DHRS7B: variants seen among roughly 807,000 people sequenced by gnomAD.
DHRS7B encodes dehydrogenase/reductase 7B.
DHRS7B carries 24 observed loss-of-function variants against 26.4 expected under a neutral mutation model. That is an observed-to-expected ratio of 0.91 (90% CI 0.66 to 1.28). DHRS7B has a LOEUF of 1.28. Ranked by LOEUF, DHRS7B falls within the 50% of genes most tolerant of loss-of-function variation. DHRS7B has a pLI of 0.00. For synonymous variants in DHRS7B, 142 were observed against 166.4 expected (o/e 0.85, Z 1.13); for missense variants, 368 against 419.4 (o/e 0.88, Z 1.07).
chr17:21,166,444 G>A (rs912483109), intron 1 of DHRS7B: 4 of 985,020 alleles, frequency 4.1e-6, no homozygotes, highest in South Asian at 4.7e-5. Context: ...GCCAGGAACC[G>A]CCACTGGCAA....
At chr17:21,134,470 A>G (rs777292840) in intron 1 of DHRS7B, among the ~76,000 whole-genome samples, 3 of 152,196 alleles carry the variant, frequency 2.0e-5, no homozygotes, top group Non-Finnish European at 4.4e-5. Flanking sequence ...AGAAAGTGAC[A>G]TTCTTTACTT....
At chr17:21,173,180 A>G (rs1235521265) in intron 2 of DHRS7B, among the ~76,000 whole-genome samples, 2 of 152,264 alleles carry the variant, frequency 1.3e-5, no homozygotes, top group Admixed American at 6.5e-5. Context: ...TGTTGTAAGG[A>G]GAAAGGCAAG....
chr17:21,132,016 A>C (rs956490190), intron 1 of DHRS7B, among the ~76,000 whole-genome samples: 2 of 152,234 alleles, frequency 1.3e-5, no homozygotes, highest in African/African-American at 4.8e-5. Context: ...ATTGTTGCTT[A>C]GAAGCCTTTG....
rs368763502 is a variant in DHRS7B at position 21,172,100 on chromosome 17, T to C, written c.103T>C (p.Phe35Leu). 2 of 1,614,094 alleles carry C rather than the reference T, an allele frequency of 1.2e-6. No individual in the cohort carries two copies. Among genetic ancestry groups the C allele is most frequent in the African/African-American group, 2.7e-5 (2 of 74,940 alleles). Residue 35 changes from phenylalanine to leucine, a missense_variant, in exon 2 of 7, where the codon TTC (phenylalanine) becomes CTC (leucine). Physicochemically the swap from Phe to Leu is conservative, Grantham distance 22 (BLOSUM62 0). Transcript: ENST00000395511. Reference sequence around the variant, plus strand: ...CCTGCTGTTCGGCTGCCTGGGCGTCTTCGGCCTCTTCCGGCTGCTGCAGTG... The same window carrying C: ...CCTGCTGTTCGGCTGCCTGGGCGTCCTCGGCCTCTTCCGGCTGCTGCAGTG... ...LPLLFGCLGV[F>L]GLFRLLQWVR...
chr17:21,176,935 AT>A (rs1036669158), intron 2 of DHRS7B, among the ~76,000 whole-genome samples: 71 of 152,112 alleles, frequency 4.7e-4, no homozygotes, highest in Middle Eastern at 3.4e-3. Flanking sequence ...TACATAGGAT[AT>A]GTTGCAGGGG....
At chr17:21,146,340 G>T (rs542262489) in intron 1 of DHRS7B, among the ~76,000 whole-genome samples, 3 of 152,226 alleles carry the variant, frequency 2.0e-5, no homozygotes, top group Non-Finnish European at 4.4e-5. Flanking sequence ...GGTCAAGGCT[G>T]CAGTGAGCTG....
intron 1 of DHRS7B, among the ~76,000 whole-genome samples, chr17:21,155,724 A>G (rs1973865350): frequency 6.6e-6 from 1 of 152,214 alleles, no homozygotes; most frequent in African/African-American, 2.4e-5. Flanking sequence ...TAGGCCACAA[A>G]ACACACCTTA....
Position 21,191,219 on chromosome 17 carries a change from C to T in DHRS7B, c.*66C>T. 2 of 1,505,542 alleles carry T rather than the reference C, an allele frequency of 1.3e-6. No homozygotes were observed. Among genetic ancestry groups the T allele is most frequent in the Non-Finnish European group, 1.8e-6 (2 of 1,091,532 alleles). 93.3% of individuals were successfully genotyped at this position (1,505,542 alleles called of 1,614,324 possible). On this transcript the variant is annotated 3_prime_UTR_variant, in exon 7 of 7. Coordinates refer to ENST00000395511, the MANE Select transcript of DHRS7B (RefSeq NM_015510.5). ...TTAGGCTTGCTTACTCTACAAGGGA[C>T]AGTTGCATTTGTTGAGACTTTAATG...
chr17:21,130,135 C>A (rs898911420), intron 1 of DHRS7B, among the ~76,000 whole-genome samples: 1 of 152,184 alleles, frequency 6.6e-6, no homozygotes, highest in Non-Finnish European at 1.5e-5. Flanking sequence ...CGGTGGCTCA[C>A]GCCTGTAATC....
In DHRS7B at chr17:21,159,058, G is replaced by T. The variant is rs541250000; in HGVS notation, c.21-12960G>T. On this transcript the variant is annotated intron_variant, in intron 1 of 6. Coordinates refer to ENST00000395511, the MANE Select transcript of DHRS7B (RefSeq NM_015510.5). ...ATGTAAAATGCAAAACCATGAAACTGCTAGAAGATAACATAAGAGAAAATT... is the reference window on the plus strand; with the variant it reads ...ATGTAAAATGCAAAACCATGAAACTTCTAGAAGATAACATAAGAGAAAATT... Among the ~76,000 whole-genome samples the T allele has an allele frequency of 5.3e-5, 8 of 152,038 alleles. No homozygotes were observed. In the South Asian group the frequency reaches 1.7e-3, roughly 32 times the overall value.
In DHRS7B at chr17:21,187,633, C is replaced by CA. The variant is rs370213730; in HGVS notation, c.620-1061dup. On this transcript the variant is annotated intron_variant, in intron 5 of 6. Transcript: ENST00000395511. ...TGGGTGGCAGAGCGAGACTCTGTCT[C>CA]AAAAAAAAAAAAAAAAAGGAAAAAA... Among the ~76,000 whole-genome samples the CA allele has an allele frequency of 3.8e-3, 375 of 99,372 alleles. 4 individuals carry two copies. Among genetic ancestry groups the CA allele is most frequent in the African/African-American group, 9.9e-3 (256 of 25,978 alleles). The allele number at this position is 99,372 out of a possible 152,430, so 65.2% of individuals were successfully genotyped here. A position where few individuals can be genotyped will look rare whatever the true frequency, so the allele number is the denominator to read the frequency against.
At chr17:21,161,639 T>A (rs1174676989) in intron 1 of DHRS7B, among the ~76,000 whole-genome samples, 1 of 152,108 alleles carries the variant, frequency 6.6e-6, no homozygotes, top group South Asian at 2.1e-4. Context: ...AGAGAAGACA[T>A]GTATCTGTGA....
rs372714438 is a variant in DHRS7B at position 21,187,706 on chromosome 17, A to G, written c.620-1005A>G. Reference sequence around the variant, plus strand: ...ACAAAAATTCTGGGAAACTGTTAGCACTGATTATCTCTAGGAATGGAATTT... The same window carrying G: ...ACAAAAATTCTGGGAAACTGTTAGCGCTGATTATCTCTAGGAATGGAATTT... On this transcript the variant is annotated intron_variant, in intron 5 of 6. Transcript: ENST00000395511. Among the ~76,000 whole-genome samples the G allele has an allele frequency of 5.3e-5, 8 of 151,670 alleles. No individual in the cohort carries two copies. The East Asian group carries it at 1.4e-3, about 26-fold the overall frequency.
intron 5 of DHRS7B, among the ~76,000 whole-genome samples, chr17:21,186,618 G>A (rs1042955642): frequency 3.9e-5 from 6 of 152,218 alleles, no homozygotes; most frequent in African/African-American, 1.4e-4. Flanking sequence ...CTGTCTTCCT[G>A]TTTCCTTAGC....
At chr17:21,178,134 C>A in intron 2 of DHRS7B, 99 bp from the exon 3 acceptor site, 1 of 1,161,314 alleles carries the variant, frequency 8.6e-7, no homozygotes, top group Non-Finnish European at 1.3e-6. Context: ...CAACACAGAC[C>A]TGTGAAGGGT....
intron 1 of DHRS7B, among the ~76,000 whole-genome samples, chr17:21,135,326 C>A (rs1039222752): frequency 1.3e-5 from 2 of 152,074 alleles, no homozygotes; most frequent in African/African-American, 2.4e-5. Flanking sequence ...ACCAGATAAG[C>A]CAAATTATGT....
rs1003532774 is a variant in DHRS7B at position 21,166,257 on chromosome 17, A to G, written c.21-5761A>G. The G allele has an allele frequency of 5.1e-6, 5 of 985,334 alleles. No homozygotes were observed. In the South Asian group the frequency reaches 1.4e-4, roughly 28 times the overall value. 61.0% of individuals were successfully genotyped at this position (985,334 alleles called of 1,614,324 possible). A position where few individuals can be genotyped will look rare whatever the true frequency, so the allele number is the denominator to read the frequency against. On this transcript the variant is annotated intron_variant, in intron 1 of 6. Coordinates refer to ENST00000395511, the MANE Select transcript of DHRS7B (RefSeq NM_015510.5). ...GGTCTGAAATCTCCAGCCTTCCTTC[A>G]GGTTTTATTTTTACTAAAGCCAGCC... is the stretch of plus-strand genomic sequence containing the variant.
intron 1 of DHRS7B, among the ~76,000 whole-genome samples, chr17:21,152,809 G>T (rs1973800955): frequency 6.6e-6 from 1 of 152,106 alleles, no homozygotes; most frequent in African/African-American, 2.4e-5. Context: ...GCCCTCTCTA[G>T]CCATCCTGTC....
chr17:21,158,944 CA>C (rs1438789484), intron 1 of DHRS7B, among the ~76,000 whole-genome samples: 9 of 148,192 alleles, frequency 6.1e-5, no homozygotes, highest in Non-Finnish European at 1.3e-4. Flanking sequence ...CAGATTGAAA[CA>C]CTATCTGCAT....
Sources: gnomAD v4.1 joint callset for allele counts (sites outside exome capture counted in the v4.1 genomes callset) on GRCh38, gnomAD v4.1.1 for gene constraint, MANE v1.5 for transcripts, NCBI Gene and HGNC (gene_info 2026-07-23, HGNC 2026-07-21) for gene names.